KCNH2: variants seen among roughly 807,000 people sequenced by gnomAD.
KCNH2 encodes the protein potassium voltage-gated channel subfamily H member 2.
A neutral mutation model predicts 95.9 loss-of-function variants in KCNH2; 35 were observed. The ratio of observed to expected loss-of-function variants is 0.37; its 90% CI spans 0.28 to 0.48. The LOEUF (loss-of-function observed/expected upper bound fraction) is 0.48, where lower values mean the gene tolerates loss of function less well. Among genes scored for constraint, KCNH2 ranks in the 20% least tolerant of loss-of-function variants. The pLI, the probability that KCNH2 is intolerant of heterozygous loss-of-function variation, is 0.99. For missense variants in KCNH2, 1,274 were observed against 1,702.9 expected (o/e 0.75, Z 4.43); for synonymous variants, 786 against 754.7 (o/e 1.04, Z -0.68).
chr7:150,959,900 G>A (rs1801507847), intron 2 of KCNH2, 164 bp from the exon 3 acceptor site: 2 of 800,790 alleles, frequency 2.5e-6, no homozygotes, highest in Non-Finnish European at 4.2e-6. Flanking sequence ...CCGGCCATGT[G>A]CCTGCCGCCC....
rs189457419 is a variant in KCNH2, at chr7:150,946,886, C to T, written c.3321G>A (p.Ser1107=). 1.1e-4 allele frequency: 168 copies of T among 1,596,384 alleles called. No homozygotes were observed. The Middle Eastern group carries it at 2.3e-3, about 22-fold the overall frequency. Residue 1107 remains serine, a synonymous_variant, in exon 14 of 15, where the codon TCG becomes TCA. Transcript: ENST00000262186. The surrounding 1 kb of genome is among the most constrained non-coding windows in gnomAD (Gnocchi z 6.5). ...VSPLPTLTLD[S]LSQVSQFMAC... is the part of the protein sequence containing the mutation. ...CAGGGCTGGAGCTTACCTGAGAAAGCGAGTCCAAGGTGAGGGTGGGGAGGG... is the reference window on the plus strand; with the variant it reads ...CAGGGCTGGAGCTTACCTGAGAAAGTGAGTCCAAGGTGAGGGTGGGGAGGG...
intron 2 of KCNH2, among the ~76,000 whole-genome samples, chr7:150,964,949 G>C (rs1801662661): frequency 6.6e-6 from 1 of 152,212 alleles, no homozygotes; most frequent in Non-Finnish European, 1.5e-5. Flanking sequence ...CAGGGGCCTA[G>C]GAAAGGCCAG....
Position 150,977,919 on chromosome 7 carries a change from GC to G in KCNH2, c.-7del, listed in dbSNP as rs753474806. 1 of 1,595,902 alleles carries G rather than the reference GC, an allele frequency of 6.3e-7. No individual in the cohort carries two copies. Among genetic ancestry groups the G allele is most frequent in the Non-Finnish European group, 8.5e-7 (1 of 1,173,196 alleles). On this transcript the variant is annotated 5_prime_UTR_variant, in exon 1 of 15. Coordinates refer to ENST00000262186, the MANE Select transcript of KCNH2 (RefSeq NM_000238.4). The stretch of plus-strand genomic sequence containing the variant: ...TGGCCCCTCCGCACCGGCATCCTGA[GC>G]CCATGGGCGGGCCGGGCGGGCCCCC...
intron 2 of KCNH2, among the ~76,000 whole-genome samples, chr7:150,966,983 A>G (rs1324666494): frequency 6.6e-6 from 1 of 152,220 alleles, no homozygotes; most frequent in Admixed American, 6.5e-5. Flanking sequence ...TCTAAAGTTT[A>G]TGAAGAAAAA....
At chr7:150,950,556 G>A (rs1389747033) in intron 8 of KCNH2, 136 bp from the exon 9 acceptor site, 4 of 1,209,662 alleles carry the variant, frequency 3.3e-6, no homozygotes, top group Non-Finnish European at 4.5e-6. Flanking sequence ...GCATCAGGGG[G>A]CCCAGTGTCT....
At position 150,945,395 on chromosome 7, in the gene KCNH2, C is replaced by A; in HGVS notation, c.3450G>T (p.Leu1150=). ...GQLGALTSQP[L]HRHGSDPGS ...TGCCCGGGTCCGAGCCGTGTCTGTGCAGGGGCTGGGAGGTGAGGGCCCCCA... is the reference window on the plus strand; with the variant it reads ...TGCCCGGGTCCGAGCCGTGTCTGTGAAGGGGCTGGGAGGTGAGGGCCCCCA... Residue 1150 remains leucine, a synonymous_variant, in exon 15 of 15, where the codon CTG becomes CTT. Transcript: ENST00000262186. The surrounding 1 kb of genome is among the most constrained non-coding windows in gnomAD (Gnocchi z 5.6). The A allele has an allele frequency of 6.3e-7, 1 of 1,588,816 alleles. No individual in the cohort carries two copies. The highest frequency in any genetic ancestry group is 1.8e-5 in the Admixed American group (1 of 56,920).
rs772410175 is a variant in KCNH2, at chr7:150,952,827, C to T, written c.1155G>A (p.Leu385=). ...GCGGTGCCTGCAGCTTGTACTCAGG[C>T]AGCACGTCGGCGCCCAGGGACAGGA... The part of the protein sequence containing the change: ...TQVLSLGADV[L]PEYKLQAPRI... The change falls in exon 6 of 15, where the codon CTG becomes CTA. Residue 385 remains leucine (L), a synonymous_variant. Transcript: ENST00000262186. The surrounding 1 kb of genome is among the most constrained non-coding windows in gnomAD (Gnocchi z 7.3). The T allele has an allele frequency of 3.1e-6, 5 of 1,613,902 alleles. No individual in the cohort carries two copies. Among genetic ancestry groups the T allele is most frequent in the Non-Finnish European group, 4.2e-6 (5 of 1,180,000 alleles).
At chr7:150,973,572 C>A (rs1357441718) in intron 2 of KCNH2, among the ~76,000 whole-genome samples, 2 of 152,242 alleles carry the variant, frequency 1.3e-5, no homozygotes, top group Non-Finnish European at 2.9e-5. Flanking sequence ...TGTGAGCGAA[C>A]CTTCTTCCAC....
chr7:150,945,393 T>C lies in KCNH2; in HGVS notation c.3452A>G (p.His1151Arg). The part of the protein sequence containing the change: ...QLGALTSQPL[H>R]RHGSDPGS ...ACTGCCCGGGTCCGAGCCGTGTCTG[T>C]GCAGGGGCTGGGAGGTGAGGGCCCC... The change falls in exon 15 of 15, where the codon CAC (histidine) becomes CGC (arginine). Residue 1151 changes from histidine (H) to arginine (R), a missense_variant. By Grantham distance (29) the His-to-Arg change is conservative (BLOSUM62 0). Around this residue, in one of 7 missense-constraint regions of KCNH2, gnomAD observed 457 missense variants for 416.1 expected, o/e 1.10. Transcript: ENST00000262186. The surrounding 1 kb of genome is among the most constrained non-coding windows in gnomAD (Gnocchi z 5.6). The C allele has an allele frequency of 6.3e-7, 1 of 1,589,044 alleles. No homozygotes were observed.
In KCNH2 at chr7:150,948,439, C is replaced by T; in HGVS notation, c.2692+5G>A. Reference sequence around the variant, plus strand: ...CCTCCCCCTTCCTCCCCTCCCCCGCCTCACCCTTGTCCGTGCGCCTGCGGA... The same window carrying T: ...CCTCCCCCTTCCTCCCCTCCCCCGCTTCACCCTTGTCCGTGCGCCTGCGGA... On this transcript the variant is annotated splice_donor_5th_base_variant and intron_variant, in intron 11 of 14. Transcript: ENST00000262186. 1 of 1,594,756 alleles carries T rather than the reference C, an allele frequency of 6.3e-7. No individual in the cohort carries two copies. The highest frequency in any genetic ancestry group is 8.5e-7 in the Non-Finnish European group (1 of 1,169,676).
At position 150,952,395 on chromosome 7, in the gene KCNH2, C is replaced by G; in HGVS notation, c.1557+30G>C. Reference sequence around the variant, plus strand: ...ACCACATTCCTGGCCTCTCCTCTCCCTACACCACCTGCCTCCTTGCTGACC... The same window carrying G: ...ACCACATTCCTGGCCTCTCCTCTCCGTACACCACCTGCCTCCTTGCTGACC... On this transcript the variant is annotated intron_variant, in intron 6 of 14. Transcript: ENST00000262186. This position sits in a 1 kb window ranked among gnomAD's most constrained non-coding sequence, Gnocchi z 7.3. 1 of 1,609,812 alleles carries G rather than the reference C, an allele frequency of 6.2e-7. No homozygotes were observed. Among genetic ancestry groups the G allele is most frequent in the Non-Finnish European group, 8.5e-7 (1 of 1,177,718 alleles).
At position 150,957,324 on chromosome 7, in the gene KCNH2, C is replaced by T; in HGVS notation, c.1095G>A (p.Glu365=). Residue 365 remains glutamate, a synonymous_variant, in exon 5 of 15, where the codon GAG becomes GAA. Coordinates refer to ENST00000262186, the MANE Select transcript of KCNH2 (RefSeq NM_000238.4). ...DREIIAPKIK[E]RTHNVTEKVT... ...CCTTCTCAGTGACATTGTGGGTTCG[C>T]TCCTTTATCTTAGGTGCTATGATCT... 1.9e-6 allele frequency: 3 copies of T among 1,600,630 alleles called. No homozygotes were observed. Among genetic ancestry groups the T allele is most frequent in the Non-Finnish European group, 8.5e-7 (1 of 1,173,664 alleles).
rs199473425 is a variant in KCNH2 at position 150,951,657 on chromosome 7, A to G, written c.1736T>C (p.Met579Thr). The G allele has an allele frequency of 3.7e-6, 6 of 1,614,210 alleles. No individual in the cohort carries two copies. In the East Asian group the frequency reaches 6.7e-5, roughly 18 times the overall value. The part of the protein sequence containing the change: ...YAIGNMEQPH[M>T]DSRIGWLHNL... ...GTGCAGCCAGCCGATGCGTGAGTCC[A>G]TGTGTGGCTGCTCCATGTTGCCGAT... The change falls in exon 7 of 15, where the codon ATG becomes ACG. Residue 579 changes from methionine (M) to threonine (T), a missense_variant. By Grantham distance (81) the Met-to-Thr change is moderately conservative. Coordinates refer to ENST00000262186, the MANE Select transcript of KCNH2 (RefSeq NM_000238.4).
chr7:150,974,989 C>T, intron 1 of KCNH2, 48 bp from the exon 2 acceptor site: 6 of 1,483,460 alleles, frequency 4.0e-6, no homozygotes, highest in South Asian at 1.2e-5. Flanking sequence ...CCCCAGCCTC[C>T]GGGACTCCCA....
chr7:150,950,403 A>G lies in KCNH2; in HGVS notation c.2163T>C (p.Pro721=). The G allele has an allele frequency of 1.2e-6, 2 of 1,612,002 alleles. No homozygotes were observed. The highest frequency in any genetic ancestry group is 1.7e-6 in the Non-Finnish European group (2 of 1,179,930). The change falls in exon 9 of 15, where the codon CCT becomes CCC. Residue 721 remains proline, a synonymous_variant. Coordinates refer to ENST00000262186, the MANE Select transcript of KCNH2 (RefSeq NM_000238.4). ...IDMNAVLKGF[P]ECLQADICLH... ...GGCAGATGTCAGCCTGCAGGCACTCAGGGAAGCCCTTCAGCACCTGGGGGC... is the reference window on the plus strand; with the variant it reads ...GGCAGATGTCAGCCTGCAGGCACTCGGGGAAGCCCTTCAGCACCTGGGGGC...
intron 2 of KCNH2, among the ~76,000 whole-genome samples, chr7:150,970,972 A>G (rs1801825874): frequency 1.3e-5 from 2 of 152,206 alleles, no homozygotes; most frequent in African/African-American, 4.8e-5. Context: ...TTTCATCCTC[A>G]GCTCAGACCC....
intron 2 of KCNH2, among the ~76,000 whole-genome samples, chr7:150,960,805 C>G (rs1801545693): frequency 2.0e-5 from 3 of 152,108 alleles, no homozygotes; most frequent in Admixed American, 2.0e-4. Flanking sequence ...TCCCCTAAGC[C>G]AAGCACCCCT....
At position 150,977,875 on chromosome 7, in the gene KCNH2, G is replaced by A. The variant is rs776189512; in HGVS notation, c.39C>T (p.Thr13=). ...VRRGHVAPQN[T]FLDTIIRKFE... ...ACTTGCGGATGATGGTGTCCAGGAA[G>A]GTGTTCTGCGGCGCGACGTGGCCCC... The change falls in exon 1 of 15, where the codon ACC becomes ACT. Residue 13 remains threonine (T), a synonymous_variant. Coordinates refer to ENST00000262186, the MANE Select transcript of KCNH2 (RefSeq NM_000238.4). 62 of 1,600,328 alleles carry A rather than the reference G, an allele frequency of 3.9e-5. No homozygotes were observed. Among genetic ancestry groups the A allele is most frequent in the Non-Finnish European group, 5.2e-5 (61 of 1,174,934 alleles).
rs794728403 is a variant in KCNH2 at position 150,947,440 on chromosome 7, G to A, written c.3040C>T (p.Arg1014Ter). The A allele has an allele frequency of 1.9e-6, 3 of 1,561,932 alleles. No individual in the cohort carries two copies. Among genetic ancestry groups the A allele is most frequent in the African/African-American group, 1.4e-5 (1 of 74,008 alleles). Reference protein sequence around the residue: ...SRGRQYQELPRCPAPTPSLLN... With the variant: ...SRGRQYQELP ...AGGCTGGGGGTGGGGGCGGGGCATC[G>A]AGGGAGCTCCTGGTACTGGCGGCCC... Residue 1014 changes from arginine (R) to a stop codon, truncating the protein, a stop_gained, in exon 13 of 15, where the codon CGA becomes TGA. Coordinates refer to ENST00000262186, the MANE Select transcript of KCNH2 (RefSeq NM_000238.4). LOFTEE classifies it high-confidence loss of function.
Sources: allele counts gnomAD v4.1 joint callset (sites outside exome capture counted in the v4.1 genomes callset), GRCh38; gene constraint gnomAD v4.1.1; regional missense constraint gnomAD v4.1.1; non-coding constraint Gnocchi (gnomAD v3.1); transcripts MANE v1.5; gene names NCBI Gene and HGNC (gene_info 2026-07-23, HGNC 2026-07-21).